FOXN3: variants seen among roughly 807,000 people sequenced by gnomAD.
The protein encoded by FOXN3 is forkhead box protein N3.
FOXN3 carries 7 observed loss-of-function variants against 38.4 expected under a neutral mutation model. The ratio of observed to expected loss-of-function variants is 0.18; its 90% confidence interval spans 0.10 to 0.34. The LOEUF (loss-of-function observed/expected upper bound fraction) is 0.34, where lower values mean the gene tolerates loss of function less well. Ranked by LOEUF, FOXN3 falls within the 10% of genes least tolerant of loss-of-function variation. FOXN3 has a pLI of 1.00. For missense variants in FOXN3, 456 were observed against 613.4 expected, an observed-to-expected ratio of 0.74 and a Z score of 2.71; for synonymous variants, 230 against 242.2, an observed-to-expected ratio of 0.95 and a Z score of 0.47.
At chr14:89,525,100 A>C (rs769229708) in intron 1 of FOXN3, among the ~76,000 whole-genome samples, 12 of 152,142 alleles carry the variant, frequency 7.9e-5, no homozygotes, top group Non-Finnish European at 1.8e-4. Context: ...GAGGTGTTCA[A>C]ACCAGAGCAA....
At chr14:89,587,867 G>GAAAAAAAA (rs11366681) in intron 1 of FOXN3, among the ~76,000 whole-genome samples, 1 of 64,638 alleles carries the variant, frequency 1.5e-5, no homozygotes, top group Non-Finnish European at 3.0e-5. Flanking sequence ...CTCTGTCTCA[G>GAAAAAAAA]AAAAAAAAAA....
intron 2 of FOXN3, chr14:89,364,550 G>T: frequency 6.6e-6 from 1 of 152,304 alleles, no homozygotes; most frequent in Non-Finnish European, 1.5e-5. Flanking sequence ...TCAGGAGCTG[G>T]ATACAGAGTC....
At chr14:89,370,499 A>G (rs529542555) in intron 2 of FOXN3, among the ~76,000 whole-genome samples, 1 of 152,354 alleles carries the variant, frequency 6.6e-6, no homozygotes, top group South Asian at 2.1e-4. Flanking sequence ...AACACACAGA[A>G]TCCCAAAGAG....
At chr14:89,304,965 T>G (rs891759457) in intron 3 of FOXN3, among the ~76,000 whole-genome samples, 2 of 137,604 alleles carry the variant, frequency 1.5e-5, no homozygotes, top group South Asian at 2.2e-4. Context: ...AAAAAAAAAG[T>G]ACCAACCAAA....
At chr14:89,610,905 T>A (rs1303454219) in intron 1 of FOXN3, among the ~76,000 whole-genome samples, 2 of 152,258 alleles carry the variant, frequency 1.3e-5, no homozygotes, top group Admixed American at 1.3e-4. Context: ...ATGTGAAATA[T>A]GTGAAATCAG....
intron 3 of FOXN3, among the ~76,000 whole-genome samples, chr14:89,327,539 C>CA (rs1566957490): frequency 6.6e-6 from 1 of 152,180 alleles, no homozygotes; most frequent in African/African-American, 2.4e-5. Context: ...TGGTAAAAGG[C>CA]ACCTCTACCC....
At chr14:89,212,614 C>T (rs1052249118) in intron 4 of FOXN3, among the ~76,000 whole-genome samples, 2 of 152,186 alleles carry the variant, frequency 1.3e-5, no homozygotes, top group Admixed American at 6.5e-5. Flanking sequence ...TGGTGGCTGG[C>T]TCCTTAGGAT....
At chr14:89,427,490 T>G (rs1332663509) in intron 1 of FOXN3, among the ~76,000 whole-genome samples, 3 of 146,596 alleles carry the variant, frequency 2.0e-5, no homozygotes, top group Non-Finnish European at 4.5e-5. Flanking sequence ...TTTTTTTTTT[T>G]GTATTCTTAG....
rs1453480848 is a variant in FOXN3 at position 89,163,682 on chromosome 14, C to T, written c.852-713G>A. 6.6e-6 allele frequency among the ~76,000 whole-genome samples: 1 copy of T among 152,186 alleles called. No individual in the cohort carries two copies. The highest frequency in any genetic ancestry group is 2.4e-5 in the African/African-American group (1 of 41,446). On this transcript the variant is annotated intron_variant, in intron 5 of 5. Coordinates refer to ENST00000557258, the MANE Select transcript of FOXN3 (RefSeq NM_005197.4). This position sits in a 1 kb window ranked among gnomAD's most constrained non-coding sequence, Gnocchi z 4.3. ...TACGACTTCCCGAACTCAACACCTG[C>T]CAGGCGCTCTGCTAAGTCTGTGCAG...
intron 4 of FOXN3, among the ~76,000 whole-genome samples, chr14:89,200,231 G>A (rs760447849): frequency 2.6e-5 from 4 of 152,136 alleles, no homozygotes; most frequent in South Asian, 2.1e-4. Context: ...AAGAATGTAC[G>A]GGCTCTGAGG....
intron 2 of FOXN3, among the ~76,000 whole-genome samples, chr14:89,360,649 C>T (rs984885307): frequency 2.6e-5 from 4 of 151,648 alleles, no homozygotes; most frequent in Non-Finnish European, 4.4e-5. Flanking sequence ...AGAGCTGATA[C>T]CCTCACAGCC....
intron 4 of FOXN3, among the ~76,000 whole-genome samples, chr14:89,220,548 A>T (rs1352828058): frequency 6.6e-6 from 1 of 152,132 alleles, no homozygotes. Flanking sequence ...GGCTCTTTCC[A>T]TACTACCTAC....
intron 2 of FOXN3, among the ~76,000 whole-genome samples, chr14:89,377,946 CAT>C (rs372287268): frequency 2.3e-4 from 35 of 152,298 alleles, no homozygotes; most frequent in African/African-American, 8.4e-4. Context: ...ATGTGGAAGA[CAT>C]GTGGGGAAGG....
chr14:89,261,488 T>C (rs188200394), intron 4 of FOXN3, among the ~76,000 whole-genome samples: 7 of 152,270 alleles, frequency 4.6e-5, no homozygotes, highest in African/African-American at 1.7e-4. Flanking sequence ...TCCATATTTC[T>C]GAATATATTA....
chr14:89,565,265 C>T (rs1032522957), intron 1 of FOXN3, among the ~76,000 whole-genome samples: 1 of 152,104 alleles, frequency 6.6e-6, no homozygotes. Flanking sequence ...CAGATCCCCT[C>T]CTGGAGCCTT....
intron 3 of FOXN3, among the ~76,000 whole-genome samples, chr14:89,305,173 C>T (rs1302892592): frequency 6.6e-6 from 1 of 152,042 alleles, no homozygotes; most frequent in Admixed American, 6.5e-5. Context: ...GTGTCTGTAC[C>T]CACTGAGGGC....
At chr14:89,389,553 C>T (rs1850416407) in intron 2 of FOXN3, among the ~76,000 whole-genome samples, 1 of 152,226 alleles carries the variant, frequency 6.6e-6, no homozygotes, top group African/African-American at 2.4e-5. Context: ...TAATTTGTCA[C>T]TTTCATTTTA....
chr14:89,531,136 A>G (rs1282877185), intron 1 of FOXN3, among the ~76,000 whole-genome samples: 1 of 149,278 alleles, frequency 6.7e-6, no homozygotes, highest in Non-Finnish European at 1.5e-5. Flanking sequence ...ATATACACAT[A>G]TATGTATTAT....
chr14:89,316,669 A>ATT (rs546352695), intron 3 of FOXN3, among the ~76,000 whole-genome samples: 12,505 of 135,264 alleles, frequency 0.092, 677 homozygotes, highest in Middle Eastern at 0.097. Flanking sequence ...CCTATGATGA[A>ATT]TTTTTTTTTT....
Sources: gnomAD v4.1 joint callset for allele counts (sites outside exome capture counted in the v4.1 genomes callset) on GRCh38, gnomAD v4.1.1 for gene constraint, Gnocchi (gnomAD v3.1) non-coding constraint, MANE v1.5 for transcripts, NCBI Gene and HGNC (gene_info 2026-07-23, HGNC 2026-07-21) for gene names.